CARMIL1: variants seen among roughly 807,000 people sequenced by gnomAD.
The protein encoded by CARMIL1 is F-actin-uncapping protein LRRC16A.
A neutral mutation model predicts 177.1 loss-of-function variants in CARMIL1; 90 were observed. That is an observed-to-expected ratio of 0.51 (90% CI 0.43 to 0.61). The LOEUF (loss-of-function observed/expected upper bound fraction) is 0.61. CARMIL1 is among the 20% of genes least tolerant of loss of function. CARMIL1 has a pLI of 0.00. For synonymous variants in CARMIL1, 577 were observed against 606.2 expected (o/e 0.95, Z 0.71); for missense variants, 1,380 against 1,667.0 (o/e 0.83, Z 3.00).
intron 16 of CARMIL1, among the ~76,000 whole-genome samples, chr6:25,496,844 A>G (rs961601307): frequency 6.6e-6 from 1 of 152,200 alleles, no homozygotes; most frequent in African/African-American, 2.4e-5. Context: ...AATTGTTTCA[A>G]TGTTGTTTAC....
intron 4 of CARMIL1, 119 bp from the exon 5 acceptor site, chr6:25,435,364 A>G: frequency 3.3e-6 from 4 of 1,198,930 alleles, no homozygotes; most frequent in Non-Finnish European, 4.4e-6. Flanking sequence ...TTAAAGAAAA[A>G]AAAAGCTAAT....
chr6:25,545,796 A>G (rs754880113), intron 26 of CARMIL1, among the ~76,000 whole-genome samples: 1 of 152,224 alleles, frequency 6.6e-6, no homozygotes, highest in Non-Finnish European at 1.5e-5. Context: ...TAAAAATTCT[A>G]ACTCATGGGT....
rs1049156995 is a variant in CARMIL1 at position 25,556,945 on chromosome 6, C to CCAAA, written c.2742+100_2742+103dup. ...TTAAATCTCACCTTTTGAAATCAGACCAAACAAAACACTGTCCCCACCCTC... is the reference window on the plus strand; with the variant it reads ...TTAAATCTCACCTTTTGAAATCAGACCAAACAAACAAAACACTGTCCCCACCCTC... On this transcript the variant is annotated intron_variant, in intron 29 of 36. Coordinates refer to ENST00000329474, the MANE Select transcript of CARMIL1 (RefSeq NM_017640.6). 18 of 1,246,362 alleles carry CCAAA rather than the reference C, an allele frequency of 1.4e-5. No homozygotes were observed. In the African/African-American group the frequency reaches 2.5e-4, roughly 17 times the overall value. The allele number at this position is 1,246,362 out of a possible 1,614,324, so 77.2% of individuals were successfully genotyped here.
chr6:25,366,664 G>A (rs953619432), intron 2 of CARMIL1, among the ~76,000 whole-genome samples: 1 of 150,410 alleles, frequency 6.6e-6, no homozygotes, highest in African/African-American at 2.5e-5. Context: ...CATTATACAA[G>A]TAAATGAAAG....
intron 35 of CARMIL1, among the ~76,000 whole-genome samples, chr6:25,607,183 C>A (rs1007977460): frequency 3.5e-5 from 5 of 141,256 alleles, no homozygotes; most frequent in African/African-American, 1.0e-4. Flanking sequence ...AAAAAACACA[C>A]AAAAAAACAC....
At chr6:25,547,187 A>C (rs1809579984) in intron 26 of CARMIL1, among the ~76,000 whole-genome samples, 1 of 152,202 alleles carries the variant, frequency 6.6e-6, no homozygotes, top group African/African-American at 2.4e-5. Flanking sequence ...TCTAAAATAA[A>C]AATATGTGTC....
intron 2 of CARMIL1, among the ~76,000 whole-genome samples, chr6:25,318,243 C>T (rs1784423072): frequency 6.6e-6 from 1 of 152,042 alleles, no homozygotes; most frequent in Admixed American, 6.6e-5. Flanking sequence ...TGGCAGCTGC[C>T]TTGGTGGTCT....
chr6:25,392,143 A>G (rs10498724), intron 2 of CARMIL1, among the ~76,000 whole-genome samples: 20,557 of 151,402 alleles, frequency 0.14, 1,643 homozygotes, highest in East Asian at 0.32. Flanking sequence ...TGCCATACAT[A>G]CATTGCTAAC....
chr6:25,342,852 A>T (rs748315425), intron 2 of CARMIL1, among the ~76,000 whole-genome samples: 12 of 152,208 alleles, frequency 7.9e-5, no homozygotes, highest in Non-Finnish European at 2.9e-5. Flanking sequence ...TTTGAAAAAG[A>T]TGCCTTCTAC....
rs185943789 is a variant in CARMIL1 at position 25,450,941 on chromosome 6, C to T, written c.614+230C>T. Among the ~76,000 whole-genome samples the T allele has an allele frequency of 2.5e-4, 4 of 15,998 alleles. 1 individual carries two copies. The highest frequency in any genetic ancestry group is 4.1e-4 in the Non-Finnish European group (3 of 7,242). The allele number at this position is 15,998 out of a possible 152,430, so 10.5% of individuals were successfully genotyped here. On this transcript the variant is annotated intron_variant, in intron 8 of 36. Transcript: ENST00000329474. The stretch of plus-strand genomic sequence containing the variant: ...CCTCTCCTCTCCTCTCCTCTCCTCT[C>T]CTCTCCTCTCCTCTCCTCTCCTCTC...
chr6:25,345,192 A>G (rs1176188457), intron 2 of CARMIL1, among the ~76,000 whole-genome samples: 7 of 152,170 alleles, frequency 4.6e-5, no homozygotes, highest in South Asian at 2.1e-4. Context: ...ATTTACCAGC[A>G]GCATTTAACA....
At chr6:25,293,116 GAATAT>G (rs1453372444) in intron 2 of CARMIL1, among the ~76,000 whole-genome samples, 4 of 150,076 alleles carry the variant, frequency 2.7e-5, no homozygotes, top group African/African-American at 9.9e-5. Context: ...TTTTTTAATA[GAATAT>G]AAGAATTTGG....
At chr6:25,464,710 C>G (rs1454041365) in intron 8 of CARMIL1, among the ~76,000 whole-genome samples, 1 of 152,014 alleles carries the variant, frequency 6.6e-6, no homozygotes, top group Non-Finnish European at 1.5e-5. Context: ...AAGCAACAAA[C>G]TATAATATAA....
At chr6:25,415,901 G>A (rs1047151724) in intron 2 of CARMIL1, among the ~76,000 whole-genome samples, 1 of 151,802 alleles carries the variant, frequency 6.6e-6, no homozygotes, top group African/African-American at 2.4e-5. Context: ...GGGGAGGAGC[G>A]CACCAGAAGA....
intron 4 of CARMIL1, among the ~76,000 whole-genome samples, chr6:25,431,318 T>C (rs1266623284): frequency 6.6e-6 from 1 of 152,092 alleles, no homozygotes; most frequent in Admixed American, 6.6e-5. Flanking sequence ...TTCATAATGT[T>C]CTTTAAAATT....
chr6:25,384,613 T>C (rs1159146015), intron 2 of CARMIL1, among the ~76,000 whole-genome samples: 1 of 152,224 alleles, frequency 6.6e-6, no homozygotes. Context: ...TTTGTGTTTT[T>C]TTAACAAACA....
At chr6:25,443,905 G>A (rs1037347440) in intron 5 of CARMIL1, among the ~76,000 whole-genome samples, 1 of 152,030 alleles carries the variant, frequency 6.6e-6, no homozygotes, top group Non-Finnish European at 1.5e-5. Flanking sequence ...CTGGGTTCAA[G>A]CCATTCTCTG....
chr6:25,607,547 C>G (rs1816098016), intron 35 of CARMIL1, among the ~76,000 whole-genome samples: 1 of 152,166 alleles, frequency 6.6e-6, no homozygotes, highest in Admixed American at 6.5e-5. Context: ...GCCAGATGTT[C>G]TGACTCCACC....
intron 11 of CARMIL1, chr6:25,472,759 G>T: frequency 2.0e-6 from 1 of 488,926 alleles, no homozygotes; most frequent in Non-Finnish European, 3.6e-6. Flanking sequence ...TTTTTAATAT[G>T]TTTTATTAGT....
Sources: gnomAD v4.1 joint callset for allele counts (sites outside exome capture counted in the v4.1 genomes callset) on GRCh38, gnomAD v4.1.1 for gene constraint, MANE v1.5 for transcripts, NCBI Gene and HGNC (gene_info 2026-07-23, HGNC 2026-07-21) for gene names.